NR6A1: variants seen among roughly 807,000 people sequenced by gnomAD.
The protein encoded by NR6A1 is nuclear receptor subfamily 6 group A member 1, also known as retinoic acid receptor-related testis-associated receptor.
Under a neutral mutation model 59.1 loss-of-function variants are expected in NR6A1, and 7 were observed. The ratio of observed to expected loss-of-function variants is 0.12; its 90% CI spans 0.07 to 0.22. The LOEUF (loss-of-function observed/expected upper bound fraction) is 0.22, where lower values mean the gene tolerates loss of function less well. Among genes scored for constraint, NR6A1 ranks in the 10% least tolerant of loss-of-function variants. NR6A1 has a pLI of 1.00. For synonymous variants in NR6A1, 243 were observed against 236.1 expected (o/e 1.03, Z -0.27); for missense variants, 468 against 611.6 (o/e 0.77, Z 2.48).
At chr9:124,627,884 T>C (rs77126108) in intron 2 of NR6A1, among the ~76,000 whole-genome samples, 1 of 28,230 alleles carries the variant, frequency 3.5e-5, no homozygotes, top group Non-Finnish European at 5.5e-5. Context: ...GAGATTTTCT[T>C]TTTTTTTTTT....
intron 2 of NR6A1, among the ~76,000 whole-genome samples, chr9:124,625,725 G>A (rs778563516): frequency 2.6e-5 from 4 of 152,080 alleles, no homozygotes; most frequent in Admixed American, 6.5e-5. Context: ...GTCTGGGGGG[G>A]GCTATTTTTG....
chr9:124,744,687 G>C (rs1233052338), intron 1 of NR6A1, among the ~76,000 whole-genome samples: 1 of 152,228 alleles, frequency 6.6e-6, no homozygotes, highest in Non-Finnish European at 1.5e-5. Context: ...ATGCCTGTCA[G>C]AAGCAGCTAC....
At chr9:124,747,990 T>C (rs920856764) in intron 1 of NR6A1, among the ~76,000 whole-genome samples, 1 of 152,210 alleles carries the variant, frequency 6.6e-6, no homozygotes, top group African/African-American at 2.4e-5. Flanking sequence ...AATCCAACAA[T>C]TGAAAAGCTA....
chr9:124,553,549 CTTTTTTTTTTTTT>C (rs780925768), intron 3 of NR6A1, among the ~76,000 whole-genome samples: 3 of 47,310 alleles, frequency 6.3e-5, no homozygotes, highest in Non-Finnish European at 8.0e-5. Context: ...TTTAGCTTGA[CTTTTTTTTTTTTT>C]TTTTTTTTTT....
chr9:124,667,152 A>G (rs574639575), intron 2 of NR6A1, among the ~76,000 whole-genome samples: 2 of 151,342 alleles, frequency 1.3e-5, no homozygotes, highest in South Asian at 4.2e-4. Context: ...TCTTTGCCTC[A>G]GCCTCCTGAG....
intron 6 of NR6A1, among the ~76,000 whole-genome samples, chr9:124,537,234 C>T (rs529082406): frequency 2.6e-5 from 4 of 152,310 alleles, no homozygotes; most frequent in Admixed American, 2.6e-4. Context: ...CGATTACAGG[C>T]GTGTGCCACC....
intron 2 of NR6A1, among the ~76,000 whole-genome samples, chr9:124,712,335 G>A (rs1195134691): frequency 1.3e-5 from 2 of 152,148 alleles, no homozygotes; most frequent in African/African-American, 2.4e-5. Flanking sequence ...GAGGCTGGGT[G>A]TAATGGCTCA....
At chr9:124,704,680 A>C (rs1278683362) in intron 2 of NR6A1, among the ~76,000 whole-genome samples, 3 of 152,106 alleles carry the variant, frequency 2.0e-5, no homozygotes, top group African/African-American at 7.2e-5. Context: ...TCCTCTAAGC[A>C]CAGCTTCAGC....
At chr9:124,607,840 T>C (rs1382237819) in intron 2 of NR6A1, among the ~76,000 whole-genome samples, 1 of 151,542 alleles carries the variant, frequency 6.6e-6, no homozygotes, top group Non-Finnish European at 1.5e-5. Flanking sequence ...AGGCCAGGAG[T>C]TCAAGACCAA....
chr9:124,554,718 C>A, intron 2 of NR6A1, 148 bp from the exon 3 acceptor site: 2 of 926,428 alleles, frequency 2.2e-6, no homozygotes, highest in Non-Finnish European at 3.3e-6. Flanking sequence ...ATCCTTGTCC[C>A]AAGAGTAGTC....
Position 124,522,455 on chromosome 9 carries a change from G to T in NR6A1, c.*250C>A. ...CACATTCTGTAAACTGTAAGAAAAT[G>T]CATTGGCTGCATTCACACAAAAGCA... On this transcript the variant is annotated 3_prime_UTR_variant, in exon 10 of 10. Coordinates refer to ENST00000487099, the MANE Select transcript of NR6A1 (RefSeq NM_033334.4). The T allele has an allele frequency of 2.9e-5, 9 of 310,338 alleles. No homozygotes were observed. Among genetic ancestry groups the T allele is most frequent in the African/African-American group, 4.2e-5 (2 of 47,412 alleles). The allele number at this position is 310,338 out of a possible 1,614,324, so 19.2% of individuals were successfully genotyped here.
intron 2 of NR6A1, among the ~76,000 whole-genome samples, chr9:124,732,192 G>A (rs549099495): frequency 3.3e-5 from 5 of 152,314 alleles, no homozygotes; most frequent in Non-Finnish European, 7.3e-5. Flanking sequence ...TCAGCTTCAC[G>A]ATGATGGAAA....
chr9:124,567,693 C>A (rs953756726), intron 2 of NR6A1, among the ~76,000 whole-genome samples: 5 of 151,962 alleles, frequency 3.3e-5, no homozygotes, highest in Non-Finnish European at 7.4e-5. Flanking sequence ...CTAGTTAGGA[C>A]AAAAACCATA....
At chr9:124,769,119 T>C (rs1841028224) in intron 1 of NR6A1, among the ~76,000 whole-genome samples, 1 of 152,204 alleles carries the variant, frequency 6.6e-6, no homozygotes, top group Admixed American at 6.5e-5. Context: ...CCTTCTACCC[T>C]AACTGGATTC....
At chr9:124,734,385 G>A (rs1004005630) in intron 1 of NR6A1, among the ~76,000 whole-genome samples, 5 of 152,164 alleles carry the variant, frequency 3.3e-5, no homozygotes, top group African/African-American at 1.2e-4. Flanking sequence ...TATTTCACCA[G>A]TAAATTCAGA....
chr9:124,638,803 C>G (rs1323536605), intron 2 of NR6A1, among the ~76,000 whole-genome samples: 1 of 152,168 alleles, frequency 6.6e-6, no homozygotes, highest in Non-Finnish European at 1.5e-5. Flanking sequence ...CAATTACTAG[C>G]ACTGTTTACC....
In NR6A1 at chr9:124,721,689, C is replaced by T. The variant is rs181650670; in HGVS notation, c.142+11619G>A. Among the ~76,000 whole-genome samples the T allele has an allele frequency of 4.6e-5, 7 of 152,242 alleles. No homozygotes were observed. In the East Asian group the frequency reaches 1.3e-3, roughly 29 times the overall value. On this transcript the variant is annotated intron_variant, in intron 2 of 9. Transcript: ENST00000487099. Reference sequence around the variant, plus strand: ...CATTCTACTTTGTGTCCAAAACCACCCTAATACACGCAGAAGAGGCCCAGA... The same window carrying T: ...CATTCTACTTTGTGTCCAAAACCACTCTAATACACGCAGAAGAGGCCCAGA...
intron 2 of NR6A1, among the ~76,000 whole-genome samples, chr9:124,572,506 C>T (rs1369400015): frequency 6.6e-6 from 1 of 152,204 alleles, no homozygotes; most frequent in Non-Finnish European, 1.5e-5. Context: ...AACTGAATCA[C>T]AGGGAAATGA....
rs191596000 is a variant in NR6A1, at chr9:124,700,040, G to T, written c.142+33268C>A. ...CCCGCCTTTTTTTTTAGTAGAGATG[G>T]AGTTTCGCCATGTTGGCCTGGCTGG... On this transcript the variant is annotated intron_variant, in intron 2 of 9. Transcript: ENST00000487099. Among the ~76,000 whole-genome samples, 264 of 152,154 alleles carry T rather than the reference G, an allele frequency of 1.7e-3. 3 individuals carry two copies. The highest frequency in any genetic ancestry group is 0.014 in the Middle Eastern group (4 of 294).
Sources: gnomAD v4.1 joint callset for allele counts (sites outside exome capture counted in the v4.1 genomes callset) on GRCh38, gnomAD v4.1.1 for gene constraint, MANE v1.5 for transcripts, NCBI Gene and HGNC (gene_info 2026-07-23, HGNC 2026-07-21) for gene names.